PDE4B: variants seen among roughly 807,000 people sequenced by gnomAD.
PDE4B encodes phosphodiesterase 4B.
A neutral mutation model predicts 82.2 loss-of-function variants in PDE4B; 20 were observed. The ratio of observed to expected loss-of-function variants is 0.24; its 90% CI spans 0.17 to 0.35. PDE4B has a LOEUF of 0.35. Ranked by LOEUF, PDE4B falls within the 10% of genes least tolerant of loss-of-function variation. The probability of loss-of-function intolerance (pLI) is 1.00; values close to 1 mark genes in which losing one functional copy is unlikely to be tolerated. For missense variants in PDE4B, 655 were observed against 907.2 expected (o/e 0.72, Z 3.57); for synonymous variants, 320 against 318.9 (o/e 1.00, Z -0.04).
intron 3 of PDE4B, among the ~76,000 whole-genome samples, chr1:66,222,127 G>A (rs1651037768): frequency 6.6e-6 from 1 of 152,124 alleles, no homozygotes; most frequent in Non-Finnish European, 1.5e-5. Flanking sequence ...AAGTTATCAT[G>A]ACGGCTGGAG....
intron 3 of PDE4B, among the ~76,000 whole-genome samples, chr1:66,092,159 T>G (rs946783557): frequency 4.6e-5 from 7 of 152,008 alleles, no homozygotes; most frequent in Admixed American, 3.3e-4. Context: ...AATGCACACT[T>G]AGAAAAGGAG....
chr1:66,159,836 CA>C (rs1265407100), intron 3 of PDE4B, among the ~76,000 whole-genome samples: 2 of 152,156 alleles, frequency 1.3e-5, no homozygotes, highest in Non-Finnish European at 2.9e-5. Context: ...GAGCAGCTGC[CA>C]TTTATTGTGC....
At chr1:65,856,922 T>C (rs1386947368) in intron 1 of PDE4B, among the ~76,000 whole-genome samples, 1 of 152,222 alleles carries the variant, frequency 6.6e-6, no homozygotes, top group Non-Finnish European at 1.5e-5. Context: ...CTCAGTTTAA[T>C]GCAACTGCCT....
chr1:65,933,498 G>A (rs1339902606), intron 3 of PDE4B, among the ~76,000 whole-genome samples: 1 of 152,082 alleles, frequency 6.6e-6, no homozygotes, highest in East Asian at 1.9e-4. Flanking sequence ...TTAAAGACCA[G>A]CCTGGCCAAT....
intron 3 of PDE4B, among the ~76,000 whole-genome samples, chr1:66,243,747 G>C (rs895004945): frequency 2.6e-5 from 4 of 152,220 alleles, no homozygotes; most frequent in African/African-American, 7.2e-5. Context: ...TACAATGCAA[G>C]AGAAGGCTGT....
intron 7 of PDE4B, among the ~76,000 whole-genome samples, chr1:66,275,988 T>C (rs1161022858): frequency 2.0e-5 from 3 of 152,140 alleles, no homozygotes; most frequent in African/African-American, 7.2e-5. Flanking sequence ...TTATCCAGCT[T>C]ATTTGAATCT....
At chr1:66,062,492 A>G (rs1023066880) in intron 3 of PDE4B, among the ~76,000 whole-genome samples, 2 of 152,112 alleles carry the variant, frequency 1.3e-5, no homozygotes, top group East Asian at 3.8e-4. Context: ...AATTAGGAAG[A>G]AGAAAAAATG....
intron 7 of PDE4B, chr1:66,331,772 G>C (rs1344371926): frequency 3.0e-6 from 3 of 985,282 alleles, no homozygotes; most frequent in African/African-American, 3.5e-5. Context: ...AGAGCTGCAG[G>C]ACTCCCAGGC....
chr1:65,974,251 A>G (rs1175194518), intron 3 of PDE4B, among the ~76,000 whole-genome samples: 1 of 152,222 alleles, frequency 6.6e-6, no homozygotes, highest in Non-Finnish European at 1.5e-5. Context: ...CTTAAAAACC[A>G]TTATCAATAA....
At chr1:65,885,855 T>TA (rs1646768837) in intron 1 of PDE4B, among the ~76,000 whole-genome samples, 2 of 141,376 alleles carry the variant, frequency 1.4e-5, no homozygotes, top group Admixed American at 7.1e-5. Context: ...AAACTTAACG[T>TA]ATAATAATAA....
intron 3 of PDE4B, among the ~76,000 whole-genome samples, chr1:65,989,299 G>T (rs1273772477): frequency 1.3e-5 from 2 of 152,048 alleles, no homozygotes; most frequent in African/African-American, 2.4e-5. Flanking sequence ...CCAGGAGTTT[G>T]AGACCAGCCT....
At chr1:65,830,819 A>G (rs1485083586) in intron 1 of PDE4B, among the ~76,000 whole-genome samples, 1 of 152,098 alleles carries the variant, frequency 6.6e-6, no homozygotes, top group Non-Finnish European at 1.5e-5. Context: ...GTTAATAGTA[A>G]TGTATGAATA....
At chr1:66,085,303 G>C (rs1324251076) in intron 3 of PDE4B, among the ~76,000 whole-genome samples, 3 of 152,154 alleles carry the variant, frequency 2.0e-5, no homozygotes, top group African/African-American at 7.2e-5. Flanking sequence ...ATAAGTATCT[G>C]TTCTTAGGCT....
At chr1:66,071,857 T>C (rs1162218589) in intron 3 of PDE4B, among the ~76,000 whole-genome samples, 1 of 152,160 alleles carries the variant, frequency 6.6e-6, no homozygotes, top group Non-Finnish European at 1.5e-5. Flanking sequence ...TTTGTTTTCT[T>C]AAGGTCATAG....
intron 1 of PDE4B, among the ~76,000 whole-genome samples, chr1:65,908,154 T>G (rs1007212439): frequency 6.6e-6 from 1 of 152,140 alleles, no homozygotes; most frequent in South Asian, 2.1e-4. Context: ...TCCCTTAGGC[T>G]CCAGTTAGGA....
intron 3 of PDE4B, among the ~76,000 whole-genome samples, chr1:65,969,106 A>G (rs1406798780): frequency 6.6e-6 from 1 of 152,168 alleles, no homozygotes; most frequent in Non-Finnish European, 1.5e-5. Context: ...CTATGATGCT[A>G]TAACAAACAA....
At chr1:65,904,318 A>G (rs1647004227) in intron 1 of PDE4B, among the ~76,000 whole-genome samples, 1 of 152,186 alleles carries the variant, frequency 6.6e-6, no homozygotes, top group East Asian at 1.9e-4. Context: ...TTAGTATTGG[A>G]TCAAAGTCTA....
intron 3 of PDE4B, among the ~76,000 whole-genome samples, chr1:66,186,294 C>T (rs900513681): frequency 6.6e-6 from 1 of 152,112 alleles, no homozygotes; most frequent in African/African-American, 2.4e-5. Context: ...GTTCTTTTGG[C>T]TTAGGATTCA....
intron 3 of PDE4B, among the ~76,000 whole-genome samples, chr1:65,985,941 T>C (rs1466731256): frequency 6.6e-6 from 1 of 152,146 alleles, no homozygotes; most frequent in African/African-American, 2.4e-5. Context: ...GGAATGTGAA[T>C]AATAATAATT....
Sources: allele counts gnomAD v4.1 joint callset (sites outside exome capture counted in the v4.1 genomes callset), GRCh38; gene constraint gnomAD v4.1.1; transcripts MANE v1.5; gene names NCBI Gene and HGNC (gene_info 2026-07-23, HGNC 2026-07-21).